ADGRL3: variants seen among roughly 807,000 people sequenced by gnomAD.
ADGRL3 encodes the protein calcium-independent alpha-latrotoxin receptor 3.
Under a neutral mutation model 153.5 loss-of-function variants are expected in ADGRL3, and 62 were observed. That is an observed-to-expected ratio of 0.40 (90% CI 0.33 to 0.50). The LOEUF (loss-of-function observed/expected upper bound fraction) is 0.50, where lower values mean the gene tolerates loss of function less well. Among genes scored for constraint, ADGRL3 ranks in the 20% least tolerant of loss-of-function variants. The pLI is 0.47. For synonymous variants in ADGRL3, 710 were observed against 672.5 expected (o/e 1.06, Z -0.86); for missense variants, 1,641 against 1,859.4 (o/e 0.88, Z 2.16).
intron 5 of ADGRL3, among the ~76,000 whole-genome samples, chr4:61,603,981 A>G (rs756872042): frequency 2.6e-5 from 4 of 152,120 alleles, no homozygotes; most frequent in Non-Finnish European, 5.9e-5. Flanking sequence ...ATGCCTTATG[A>G]TCTGATTGGA....
chr4:61,750,278 A>G (rs1036479510), intron 8 of ADGRL3, among the ~76,000 whole-genome samples: 3 of 152,130 alleles, frequency 2.0e-5, no homozygotes, highest in Admixed American at 6.6e-5. Context: ...AAGTCTATCA[A>G]TAATCATGCA....
chr4:61,339,775 C>T (rs1194176863), intron 1 of ADGRL3, among the ~76,000 whole-genome samples: 1 of 152,080 alleles, frequency 6.6e-6, no homozygotes, highest in African/African-American at 2.4e-5. Context: ...AAAGATGGTT[C>T]TGTGGTTTGG....
At chr4:61,513,251 G>A (rs1560761943) in intron 3 of ADGRL3, among the ~76,000 whole-genome samples, 1 of 152,068 alleles carries the variant, frequency 6.6e-6, no homozygotes, top group African/African-American at 2.4e-5. Context: ...GTTAGAAACA[G>A]TACTTACTTA....
At chr4:61,745,616 A>C (rs1271955286) in intron 8 of ADGRL3, among the ~76,000 whole-genome samples, 3 of 152,308 alleles carry the variant, frequency 2.0e-5, no homozygotes, top group East Asian at 3.9e-4. Flanking sequence ...ACTAAGCTTC[A>C]TAAGTGAAGG....
chr4:61,480,085 A>C (rs974410861), intron 2 of ADGRL3, among the ~76,000 whole-genome samples: 1 of 152,116 alleles, frequency 6.6e-6, no homozygotes, highest in African/African-American at 2.4e-5. Context: ...TACTGTTATT[A>C]ATGGTAGTAC....
intron 17 of ADGRL3, among the ~76,000 whole-genome samples, chr4:61,972,880 A>G (rs535388318): frequency 2.8e-4 from 43 of 152,256 alleles, no homozygotes; most frequent in African/African-American, 1.0e-3. Context: ...ACATTAAAAT[A>G]ATGCATTATT....
Position 61,676,940 on chromosome 4 carries a change from GTA to G in ADGRL3, c.583+9_583+10del. ...AGTATGAATGTGTCCCTTACAGTAT[GTA>G]TATTCCTATACTTTTCTTGGCAAGA... On this transcript the variant is annotated splice_donor_region_variant and intron_variant, in intron 6 of 26. Coordinates refer to ENST00000683033, the MANE Select transcript of ADGRL3 (RefSeq NM_001387552.1). 6.4e-7 allele frequency: 1 copy of G among 1,551,162 alleles called. No individual in the cohort carries two copies. Among genetic ancestry groups the G allele is most frequent in the East Asian group, 2.2e-5 (1 of 44,510 alleles).
intron 1 of ADGRL3, among the ~76,000 whole-genome samples, chr4:61,347,387 C>A (rs2095941818): frequency 6.6e-6 from 1 of 151,834 alleles, no homozygotes; most frequent in South Asian, 2.1e-4. Context: ...TCATTCGATG[C>A]ATTATGGATA....
rs562724878 is a variant in ADGRL3, at chr4:61,493,492, T to C, written c.-173-3629T>C. On this transcript the variant is annotated intron_variant, in intron 2 of 26. Transcript: ENST00000683033. Reference sequence around the variant, plus strand: ...CACCCATTGTTTCAACATTGTAAAATATGTATCATATGAAATAAATGATTC... The same window carrying C: ...CACCCATTGTTTCAACATTGTAAAACATGTATCATATGAAATAAATGATTC... Among the ~76,000 whole-genome samples the C allele has an allele frequency of 2.1e-3, 324 of 152,332 alleles. 2 individuals are homozygous for C. The highest frequency in any genetic ancestry group is 7.5e-3 in the African/African-American group (313 of 41,574).
At chr4:61,858,610 G>T in intron 9 of ADGRL3, among the ~76,000 whole-genome samples, 1 of 152,214 alleles carries the variant, frequency 6.6e-6, no homozygotes, top group East Asian at 1.9e-4. Context: ...CACAGATGGA[G>T]ACTAGGTCTC....
intron 5 of ADGRL3, among the ~76,000 whole-genome samples, chr4:61,664,447 C>G (rs1443284229): frequency 6.6e-6 from 1 of 152,100 alleles, no homozygotes; most frequent in Non-Finnish European, 1.5e-5. Context: ...TATCCTACAC[C>G]TCAGTGATAA....
chr4:61,291,583 C>A (rs62312931), intron 1 of ADGRL3, among the ~76,000 whole-genome samples: 26 of 77,516 alleles, frequency 3.4e-4, no homozygotes, highest in Admixed American at 7.8e-4. Context: ...TATATATATA[C>A]ATATATATAT....
At chr4:61,956,547 C>G (rs2098967495) in intron 17 of ADGRL3, among the ~76,000 whole-genome samples, 1 of 152,108 alleles carries the variant, frequency 6.6e-6, no homozygotes, top group African/African-American at 2.4e-5. Flanking sequence ...TTAATTAGAT[C>G]TCATTTGTCA....
intron 13 of ADGRL3, among the ~76,000 whole-genome samples, chr4:61,932,573 T>C (rs1278746768): frequency 6.6e-6 from 1 of 152,184 alleles, no homozygotes; most frequent in Non-Finnish European, 1.5e-5. Flanking sequence ...TGGATTTAGT[T>C]TGCTAGCATT....
At chr4:61,754,381 C>T (rs1352530339) in intron 8 of ADGRL3, among the ~76,000 whole-genome samples, 1 of 151,514 alleles carries the variant, frequency 6.6e-6, no homozygotes, top group African/African-American at 2.4e-5. Flanking sequence ...TTATAGTTTC[C>T]CAGATTGTTG....
intron 17 of ADGRL3, among the ~76,000 whole-genome samples, chr4:61,952,136 A>T (rs2098949401): frequency 6.6e-6 from 1 of 152,170 alleles, no homozygotes; most frequent in Admixed American, 6.6e-5. Flanking sequence ...TTTACAAAGT[A>T]AAAATGATGG....
intron 1 of ADGRL3, among the ~76,000 whole-genome samples, chr4:61,247,026 T>C (rs1757367783): frequency 6.6e-6 from 1 of 152,080 alleles, no homozygotes; most frequent in Admixed American, 6.6e-5. Context: ...TATGTAATAA[T>C]ATAACAATGT....
chr4:61,871,105 C>T (rs1002719236), intron 9 of ADGRL3, among the ~76,000 whole-genome samples: 14 of 143,958 alleles, frequency 9.7e-5, no homozygotes, highest in Admixed American at 4.8e-4. Flanking sequence ...GGTGAAACCC[C>T]GTCTCTACTA....
At chr4:61,687,139 T>G (rs1482872915) in intron 6 of ADGRL3, among the ~76,000 whole-genome samples, 1 of 152,048 alleles carries the variant, frequency 6.6e-6, no homozygotes, top group Non-Finnish European at 1.5e-5. Flanking sequence ...GCCCAATTTT[T>G]TTTTTCAAAA....
Sources: gnomAD v4.1 joint callset for allele counts (sites outside exome capture counted in the v4.1 genomes callset) on GRCh38, gnomAD v4.1.1 for gene constraint, MANE v1.5 for transcripts, NCBI Gene and HGNC (gene_info 2026-07-23, HGNC 2026-07-21) for gene names.